IPO7: variants seen among roughly 807,000 people sequenced by gnomAD.
IPO7 encodes the protein importin-7.
A neutral mutation model predicts 136.4 loss-of-function variants in IPO7; 13 were observed. The ratio of observed to expected loss-of-function variants is 0.10; its 90% CI spans 0.06 to 0.15. The LOEUF is 0.15. Ranked by LOEUF, IPO7 falls within the 10% of genes least tolerant of loss-of-function variation. IPO7 has a pLI of 1.00. For synonymous variants in IPO7, 403 were observed against 404.4 expected (o/e 1.00, Z 0.04); for missense variants, 857 against 1,240.6 (o/e 0.69, Z 4.65).
rs1428515929 is a variant in IPO7, at chr11:9,414,365, T to C, written c.590T>C (p.Val197Ala). The change falls in exon 5 of 25, where the codon GTC (valine) becomes GCC (alanine). Residue 197 changes from valine to alanine, a missense_variant. Around this residue, in one of 11 missense-constraint regions of IPO7, gnomAD observed 287 missense variants for 307.5 expected, o/e 0.93. Transcript: ENST00000379719. ...CTTTCTGACCAGTCTGATCAGTCTGTCCTCATCCAGAAACAGATATTCAAG... is the reference window on the plus strand; with the variant it reads ...CTTTCTGACCAGTCTGATCAGTCTGCCCTCATCCAGAAACAGATATTCAAG... ...QLLSDQSDQSVLIQKQIFKIF... is the reference protein window; with the variant it reads ...QLLSDQSDQSALIQKQIFKIF... 1 of 1,612,080 alleles carries C rather than the reference T, an allele frequency of 6.2e-7. No individual in the cohort carries two copies. Among genetic ancestry groups the C allele is most frequent in the Non-Finnish European group, 8.5e-7 (1 of 1,178,828 alleles).
intron 1 of IPO7, 52 bp downstream of exon 1, chr11:9,384,899 G>T: frequency 1.4e-6 from 2 of 1,423,062 alleles, no homozygotes; most frequent in Non-Finnish European, 1.9e-6. Flanking sequence ...GGCAGAAGTG[G>T]CAGGCCGAGC....
At chr11:9,428,149 T>C (rs551195521) in intron 12 of IPO7, among the ~76,000 whole-genome samples, 1 of 152,218 alleles carries the variant, frequency 6.6e-6, no homozygotes, top group Non-Finnish European at 1.5e-5. Context: ...AGAGTGTGCC[T>C]TTTTAGATAG....
intron 4 of IPO7, 32 bp from the exon 5 acceptor site, chr11:9,414,223 C>T (rs1590437217): frequency 6.6e-7 from 1 of 1,525,338 alleles, no homozygotes; most frequent in East Asian, 2.3e-5. Context: ...GAAATAAATT[C>T]TTACAGAATT....
chr11:9,442,600 A>G (rs1855474059), intron 24 of IPO7, among the ~76,000 whole-genome samples: 2 of 152,066 alleles, frequency 1.3e-5, no homozygotes, highest in East Asian at 2.0e-4. Flanking sequence ...TTTTTAGTAG[A>G]GACAGGGTTT....
intron 12 of IPO7, among the ~76,000 whole-genome samples, chr11:9,426,820 A>C (rs1855215932): frequency 6.6e-6 from 1 of 151,550 alleles, no homozygotes; most frequent in Admixed American, 6.6e-5. Context: ...TGCAGTGGTG[A>C]GATCTTGGCT....
At chr11:9,432,016 C>G (rs1445920609) in intron 16 of IPO7, among the ~76,000 whole-genome samples, 1 of 152,206 alleles carries the variant, frequency 6.6e-6, no homozygotes, top group Admixed American at 6.6e-5. Context: ...GAGATAGATG[C>G]AGTTGAAAGC....
intron 24 of IPO7, among the ~76,000 whole-genome samples, chr11:9,443,886 T>C: frequency 6.6e-6 from 1 of 151,776 alleles, no homozygotes; most frequent in East Asian, 1.9e-4. Flanking sequence ...GGTGCCAGAG[T>C]GAGACCCCGT....
At chr11:9,421,677 G>A (rs1855131946) in intron 8 of IPO7, among the ~76,000 whole-genome samples, 1 of 136,716 alleles carries the variant, frequency 7.3e-6, no homozygotes, top group South Asian at 2.4e-4. Flanking sequence ...GGGCGCAGTT[G>A]CTCACGCCTG....
At chr11:9,403,492 CCTTCAGTGTTTA>C (rs1408208660) in intron 2 of IPO7, 121 bp downstream of exon 2, 1 of 671,470 alleles carries the variant, frequency 1.5e-6, no homozygotes, top group African/African-American at 1.8e-5. Flanking sequence ...AATTTGTTTA[CCTTCAGTGTTTA>C]CAGCTAACAT....
intron 9 of IPO7, 131 bp from the exon 10 acceptor site, chr11:9,423,646 A>G: frequency 1.7e-6 from 1 of 591,136 alleles, no homozygotes; most frequent in Non-Finnish European, 3.0e-6. Context: ...AACACATTAA[A>G]TGCATTACTA....
chr11:9,430,528 A>G (rs1855279008), intron 15 of IPO7: 1 of 184,590 alleles, frequency 5.4e-6, no homozygotes, highest in Non-Finnish European at 1.1e-5. Flanking sequence ...GATTAAATAT[A>G]CTTTTATTTG....
chr11:9,384,970 C>T (rs973120138), intron 1 of IPO7, 123 bp downstream of exon 1: 3 of 712,344 alleles, frequency 4.2e-6, no homozygotes, highest in African/African-American at 3.7e-5. Flanking sequence ...GAGGGTGGGG[C>T]GGACATCTGA....
chr11:9,399,416 C>T (rs137862255), intron 1 of IPO7, among the ~76,000 whole-genome samples: 38 of 152,236 alleles, frequency 2.5e-4, no homozygotes, highest in African/African-American at 8.7e-4. Context: ...CCGCCTCGGC[C>T]TCCCAAAGTG....
rs1855534483 is a variant in IPO7, at chr11:9,446,704, TA to T, written c.*1515del. The stretch of plus-strand genomic sequence containing the variant: ...CAGGTGAGAAAAAAATTTATAACTG[TA>T]AAAACAAATGCACATATTGATATTT... On this transcript the variant is annotated 3_prime_UTR_variant, in exon 25 of 25. Coordinates refer to ENST00000379719, the MANE Select transcript of IPO7 (RefSeq NM_006391.3). 6.6e-6 allele frequency: 1 copy of T among 152,172 alleles called. No homozygotes were observed. The highest frequency in any genetic ancestry group is 2.4e-5 in the African/African-American group (1 of 41,452). The allele number at this position is 152,172 out of a possible 1,614,324, so 9.4% of individuals were successfully genotyped here. A position where few individuals can be genotyped will look rare whatever the true frequency, so the allele number is the denominator to read the frequency against.
At chr11:9,433,302 T>G in intron 16 of IPO7, 1 of 417,770 alleles carries the variant, frequency 2.4e-6, no homozygotes, top group Non-Finnish European at 4.3e-6. Flanking sequence ...TTTATTTTCA[T>G]AGTTGTTTGC....
At chr11:9,397,361 T>TATATATATATATATATATA (rs377148636) in intron 1 of IPO7, among the ~76,000 whole-genome samples, 5 of 42,278 alleles carry the variant, frequency 1.2e-4, no homozygotes, top group East Asian at 2.4e-3. Context: ...TATATATATA[T>TATATATATATATATATATA]ATATTAGTCG....
In IPO7 at chr11:9,388,890, C is replaced by T. The variant is rs537512817; in HGVS notation, c.84+4043C>T. Among the ~76,000 whole-genome samples, 10 of 152,246 alleles carry T rather than the reference C, an allele frequency of 6.6e-5. No homozygotes were observed. The East Asian group carries it at 1.7e-3, about 26-fold the overall frequency. ...CCTAATTTTACTTAACTTTTCTTCTCCCCACTATAATTTTAAGTTTCTTGA... is the reference window on the plus strand; with the variant it reads ...CCTAATTTTACTTAACTTTTCTTCTTCCCACTATAATTTTAAGTTTCTTGA... On this transcript the variant is annotated intron_variant, in intron 1 of 24. Transcript: ENST00000379719.
At chr11:9,398,305 T>C (rs148216380) in intron 1 of IPO7, among the ~76,000 whole-genome samples, 124 of 152,338 alleles carry the variant, frequency 8.1e-4, no homozygotes, top group African/African-American at 2.8e-3. Context: ...GTCTAATTAA[T>C]AGGAGAAACA....
intron 1 of IPO7, among the ~76,000 whole-genome samples, chr11:9,393,651 G>C (rs1854667793): frequency 6.6e-6 from 1 of 152,114 alleles, no homozygotes. Flanking sequence ...CCAAAGTGTT[G>C]GGATTACAGG....
Sources: allele counts gnomAD v4.1 joint callset (sites outside exome capture counted in the v4.1 genomes callset), GRCh38; gene constraint gnomAD v4.1.1; regional missense constraint gnomAD v4.1.1; transcripts MANE v1.5; gene names NCBI Gene and HGNC (gene_info 2026-07-23, HGNC 2026-07-21).